The following SLC41A2 variants were observed in gnomAD, a reference collection of about 807,000 sequenced individuals.
SLC41A2 encodes solute carrier family 41 member 2.
A neutral mutation model predicts 58.3 loss-of-function variants in SLC41A2; 32 were observed. That is an observed-to-expected ratio of 0.55 (90% confidence interval 0.41 to 0.74). SLC41A2 has a LOEUF of 0.74. SLC41A2 is among the 30% of genes least tolerant of loss of function. The pLI is 0.00. For synonymous variants in SLC41A2, 190 were observed against 235.0 expected, an observed-to-expected ratio of 0.81 and a Z score of 1.75; for missense variants, 514 against 680.6, an observed-to-expected ratio of 0.76 and a Z score of 2.72.
At chr12:104,923,147 G>A (rs2046675055) in intron 2 of SLC41A2, among the ~76,000 whole-genome samples, 3 of 145,456 alleles carry the variant, frequency 2.1e-5, no homozygotes, top group Non-Finnish European at 4.5e-5. Context: ...TGGGTCACGA[G>A]GTCAGGAGGT....
chr12:104,855,875 G>A (rs541832926), intron 8 of SLC41A2, among the ~76,000 whole-genome samples: 9 of 152,174 alleles, frequency 5.9e-5, no homozygotes, highest in African/African-American at 1.9e-4. Context: ...GCAGGTTTGC[G>A]GGGAAGAGGA....
At chr12:104,805,605 A>G (rs750464251) in intron 10 of SLC41A2, among the ~76,000 whole-genome samples, 3 of 152,222 alleles carry the variant, frequency 2.0e-5, no homozygotes, top group Non-Finnish European at 4.4e-5. Flanking sequence ...TAATTTGGAT[A>G]TTTTAATAGC....
At chr12:104,908,948 T>C (rs187448976) in intron 3 of SLC41A2, among the ~76,000 whole-genome samples, 4 of 152,292 alleles carry the variant, frequency 2.6e-5, no homozygotes, top group African/African-American at 9.6e-5. Context: ...AGAAGAATGT[T>C]AGAAGGAGTT....
At chr12:104,933,643 C>T (rs546779938) in intron 1 of SLC41A2, among the ~76,000 whole-genome samples, 44 of 152,020 alleles carry the variant, frequency 2.9e-4, no homozygotes, top group African/African-American at 1.1e-3. Flanking sequence ...AACCTAAGTG[C>T]CCATCAATGA....
intron 5 of SLC41A2, among the ~76,000 whole-genome samples, chr12:104,888,704 T>A (rs2044792630): frequency 6.6e-6 from 1 of 152,018 alleles, no homozygotes; most frequent in Non-Finnish European, 1.5e-5. Context: ...AGCTAGTAAA[T>A]CCCCTGCATG....
chr12:104,829,244 C>CA (rs2136274143), intron 10 of SLC41A2, among the ~76,000 whole-genome samples: 1 of 152,258 alleles, frequency 6.6e-6, no homozygotes, highest in South Asian at 2.1e-4. Flanking sequence ...GGAAACAAAC[C>CA]AAATGTTCAT....
chr12:104,813,236 A>G (rs976490097), intron 10 of SLC41A2, among the ~76,000 whole-genome samples: 13 of 152,224 alleles, frequency 8.5e-5, no homozygotes, highest in African/African-American at 3.1e-4. Context: ...ATGCAAGTGG[A>G]AAAATATGGT....
intron 6 of SLC41A2, among the ~76,000 whole-genome samples, chr12:104,879,605 T>C (rs146849215): frequency 0.011 from 1,612 of 152,294 alleles, 36 homozygotes; most frequent in African/African-American, 0.036. Context: ...CAGATGCTTG[T>C]AGATGTGTGG....
chr12:104,916,243 T>G (rs1329411885), intron 2 of SLC41A2, among the ~76,000 whole-genome samples: 1 of 152,162 alleles, frequency 6.6e-6, no homozygotes, highest in East Asian at 1.9e-4. Context: ...TTTTTGGTTG[T>G]GTCTCTGCCC....
intron 1 of SLC41A2, among the ~76,000 whole-genome samples, chr12:104,932,819 TAGAC>T (rs2047118562): frequency 2.0e-5 from 3 of 151,900 alleles, no homozygotes; most frequent in Admixed American, 6.6e-5. Flanking sequence ...CTGAGAAAAT[TAGAC>T]AGCCACATGT....
intron 1 of SLC41A2, among the ~76,000 whole-genome samples, chr12:104,940,934 C>CAAAAA (rs386377636): frequency 1.0e-5 from 1 of 95,542 alleles, no homozygotes. Flanking sequence ...GACTCTGCCT[C>CAAAAA]AAAAAAAAAA....
intron 2 of SLC41A2, among the ~76,000 whole-genome samples, chr12:104,920,331 T>C (rs1370615775): frequency 6.6e-6 from 1 of 152,100 alleles, no homozygotes; most frequent in Non-Finnish European, 1.5e-5. Flanking sequence ...ACAAAAAGTC[T>C]TGCTGGAATT....
rs554386969 is a variant in SLC41A2 at position 104,804,483 on chromosome 12, A to G, written c.*669T>C. ...CAAATCAATCATCAAAAAATGACTC[A>G]CTGCTTTCATTAACAATCTCTCAAG... On this transcript the variant is annotated 3_prime_UTR_variant, in exon 11 of 11. Transcript: ENST00000258538. 2.3e-4 allele frequency: 35 copies of G among 152,312 alleles called. No homozygotes were observed. The highest frequency in any genetic ancestry group is 7.5e-4 in the African/African-American group (31 of 41,562). The allele number at this position is 152,312 out of a possible 1,614,324, so 9.4% of individuals were successfully genotyped here.
At chr12:104,861,809 T>G (rs748973130) in intron 7 of SLC41A2, among the ~76,000 whole-genome samples, 3 of 152,216 alleles carry the variant, frequency 2.0e-5, no homozygotes, top group Non-Finnish European at 4.4e-5. Flanking sequence ...GAGTATGGTT[T>G]CATATTTGAA....
At chr12:104,839,555 G>A (rs2042333682) in intron 10 of SLC41A2, among the ~76,000 whole-genome samples, 1 of 150,270 alleles carries the variant, frequency 6.7e-6, no homozygotes, top group Admixed American at 6.6e-5. Context: ...CCAGGCTGGA[G>A]TGCAGTGGTG....
intron 2 of SLC41A2, among the ~76,000 whole-genome samples, chr12:104,913,810 G>A (rs970333939): frequency 2.6e-5 from 4 of 152,134 alleles, no homozygotes; most frequent in East Asian, 1.9e-4. Flanking sequence ...AGCGGCTCAC[G>A]CCTGTAATCC....
chr12:104,880,328 C>T (rs1211707544), intron 6 of SLC41A2, among the ~76,000 whole-genome samples: 1 of 152,132 alleles, frequency 6.6e-6, no homozygotes, highest in Non-Finnish European at 1.5e-5. Flanking sequence ...GCCTGATTGC[C>T]CTGGCCAGAA....
intron 10 of SLC41A2, among the ~76,000 whole-genome samples, chr12:104,823,624 T>C (rs2041727672): frequency 6.6e-6 from 1 of 152,050 alleles, no homozygotes; most frequent in South Asian, 2.1e-4. Flanking sequence ...ACACAAAAAT[T>C]AATTCAAAAT....
chr12:104,876,158 C>T (rs1207547005), intron 6 of SLC41A2, among the ~76,000 whole-genome samples: 1 of 151,230 alleles, frequency 6.6e-6, no homozygotes, highest in Non-Finnish European at 1.5e-5. Flanking sequence ...TCAGTCTTCT[C>T]TTTTTTTTTC....
Sources: allele counts gnomAD v4.1 joint callset (sites outside exome capture counted in the v4.1 genomes callset), GRCh38; gene constraint gnomAD v4.1.1; transcripts MANE v1.5; gene names NCBI Gene and HGNC (gene_info 2026-07-23, HGNC 2026-07-21).